The following FAT1 variants were observed in gnomAD, a reference collection of about 807,000 sequenced individuals.
FAT1 encodes the protein protocadherin Fat 1.
Under a neutral mutation model 329.8 loss-of-function variants are expected in FAT1, and 171 were observed. That is an observed-to-expected ratio of 0.52 (90% CI 0.46 to 0.59). The LOEUF (loss-of-function observed/expected upper bound fraction) is 0.59. Ranked by LOEUF, FAT1 falls within the 20% of genes least tolerant of loss-of-function variation. The probability of loss-of-function intolerance (pLI) is 0.00; values close to 1 mark genes in which losing one functional copy is unlikely to be tolerated. For missense variants in FAT1, 5,672 were observed against 5,774.4 expected (o/e 0.98, Z 0.57); for synonymous variants, 2,233 against 2,228.6 (o/e 1.00, Z -0.06).
At position 186,670,343 on chromosome 4, in the gene FAT1, C is replaced by G. The variant is rs141316941; in HGVS notation, c.3266-6730G>C. On this transcript the variant is annotated intron_variant, in intron 2 of 26. Coordinates refer to ENST00000441802, the MANE Select transcript of FAT1 (RefSeq NM_005245.4). Reference sequence around the variant, plus strand: ...CTGCTTTGTTCAATCACAAGAAAAACTTAAATGTGAGATATAATTTTAACG... The same window carrying G: ...CTGCTTTGTTCAATCACAAGAAAAAGTTAAATGTGAGATATAATTTTAACG... Among the ~76,000 whole-genome samples the G allele has an allele frequency of 1.6e-3, 248 of 152,292 alleles. 2 individuals are homozygous for G. Among genetic ancestry groups the G allele is most frequent in the Non-Finnish European group, 2.9e-3 (200 of 68,030 alleles).
chr4:186,598,055 G>A lies in FAT1; in HGVS notation c.12174C>T (p.Ser4058=). The stretch of plus-strand genomic sequence containing the variant: ...ACGTGCCCCCATAGAGGCATGGCTT[G>A]GAGGAACACGGATTGACGCTTATCT... The part of the protein sequence containing the change: ...HCEISVNPCS[S]KPCLYGGTCV... Residue 4058 remains serine, a synonymous_variant, in exon 23 of 27, where the codon TCC becomes TCT. Transcript: ENST00000441802. 6.2e-7 allele frequency: 1 copy of A among 1,613,938 alleles called. No individual in the cohort carries two copies.
rs2126448765 is a variant in FAT1, at chr4:186,606,222, G to C, written c.10207-9C>G. The stretch of plus-strand genomic sequence containing the variant: ...AGCGTGTAACCTGAAATCTTTTCAG[G>C]CAAAAGACAGAATGCACGTTCATTT... On this transcript the variant is annotated splice_polypyrimidine_tract_variant and intron_variant, in intron 16 of 26. Transcript: ENST00000441802. 1 of 1,612,644 alleles carries C rather than the reference G, an allele frequency of 6.2e-7. No homozygotes were observed. The highest frequency in any genetic ancestry group is 8.5e-7 in the Non-Finnish European group (1 of 1,179,512).
intron 3 of FAT1, among the ~76,000 whole-genome samples, chr4:186,640,459 T>C (rs1741038426): frequency 6.6e-6 from 1 of 152,206 alleles, no homozygotes; most frequent in Non-Finnish European, 1.5e-5. Flanking sequence ...GCTCAAGAGA[T>C]AACTGAGAGT....
chr4:186,628,656 T>G lies in FAT1; in HGVS notation c.4431A>C (p.Gln1477His), dbSNP rs772612352. 6.2e-6 allele frequency: 10 copies of G among 1,613,874 alleles called. No individual in the cohort carries two copies. Among genetic ancestry groups the G allele is most frequent in the Non-Finnish European group, 8.5e-6 (10 of 1,179,900 alleles). The change falls in exon 8 of 27, where the codon CAA (glutamine) becomes CAC (histidine). Residue 1477 changes from glutamine to histidine, a missense_variant. Coordinates refer to ENST00000441802, the MANE Select transcript of FAT1 (RefSeq NM_005245.4). ...TCTCATCCTGATCCACAGCACTGATTTGCAAAATTTCTGTTTCTGGCGCTG... is the reference window on the plus strand; with the variant it reads ...TCTCATCCTGATCCACAGCACTGATGTGCAAAATTTCTGTTTCTGGCGCTG... ...EDTAPETEIL[Q>H]ISAVDQDEKN...
chr4:186,621,860 CT>C, intron 9 of FAT1, 85 bp from the exon 10 acceptor site: 3 of 822,546 alleles, frequency 3.6e-6, no homozygotes, highest in Non-Finnish European at 5.4e-6. Flanking sequence ...ACAAAGTATC[CT>C]TAAAAATTAT....
chr4:186,628,866 G>T, intron 7 of FAT1, 103 bp from the exon 8 acceptor site: 1 of 1,167,066 alleles, frequency 8.6e-7, no homozygotes, highest in Non-Finnish European at 1.2e-6. Context: ...ACGATACTGT[G>T]GCAAAATAAA....
intron 2 of FAT1, among the ~76,000 whole-genome samples, chr4:186,674,077 G>A (rs1280028056): frequency 6.6e-6 from 1 of 152,166 alleles, no homozygotes. Flanking sequence ...CAGAAGATAC[G>A]CAATTTCAGT....
At chr4:186,686,599 CTGTT>C (rs1743483900) in intron 2 of FAT1, among the ~76,000 whole-genome samples, 1 of 152,138 alleles carries the variant, frequency 6.6e-6, no homozygotes, top group African/African-American at 2.4e-5. Flanking sequence ...TTGCTTAGCG[CTGTT>C]TTTTTTAAGC....
intron 2 of FAT1, among the ~76,000 whole-genome samples, chr4:186,670,455 A>C (rs1365425327): frequency 1.3e-5 from 2 of 152,200 alleles, no homozygotes; most frequent in African/African-American, 4.8e-5. Flanking sequence ...TTTTGAAAAT[A>C]AGCATTTTCC....
intron 2 of FAT1, among the ~76,000 whole-genome samples, chr4:186,694,058 G>A (rs59997667): frequency 0.024 from 3,432 of 141,908 alleles, 120 homozygotes; most frequent in African/African-American, 0.085. Context: ...CATCTCACAA[G>A]CTCGACCTGC....
rs1304581663 is a variant in FAT1 at position 186,707,343 on chromosome 4, C to T, written c.2485G>A (p.Val829Met). ...PPEFLQESYF[V>M]EVSEDKEVHS... ...ACCTCCTTGTCTTCACTCACTTCCACAAAATAGCTCTCCTGTAAAAACTCG... is the reference window on the plus strand; with the variant it reads ...ACCTCCTTGTCTTCACTCACTTCCATAAAATAGCTCTCCTGTAAAAACTCG... Residue 829 changes from valine to methionine, a missense_variant, in exon 2 of 27, where the codon GTG becomes ATG. By Grantham distance (21) the Val-to-Met change is conservative. This residue lies in a region of FAT1 where 3,966 missense variants were observed against 3,915.2 expected (regional missense o/e 1.01). Coordinates refer to ENST00000441802, the MANE Select transcript of FAT1 (RefSeq NM_005245.4). 7 of 1,613,890 alleles carry T rather than the reference C, an allele frequency of 4.3e-6. No individual in the cohort carries two copies. The highest frequency in any genetic ancestry group is 1.1e-5 in the South Asian group (1 of 91,086).
In FAT1 at chr4:186,707,610, T is replaced by C. The variant is rs1744698111; in HGVS notation, c.2218A>G (p.Asn740Asp). Residue 740 changes from asparagine (N) to aspartate (D), a missense_variant, in exon 2 of 27, where the codon AAC (asparagine) becomes GAC (aspartate). Coordinates refer to ENST00000441802, the MANE Select transcript of FAT1 (RefSeq NM_005245.4). ...QPVGSSVIFM[N>D]STDLDTGFNG... The stretch of plus-strand genomic sequence containing the variant: ...AAGCCAGTGTCAAGGTCAGTGGAGT[T>C]CATGAAAATTACACTGGAACCCACA... 1 of 1,614,004 alleles carries C rather than the reference T, an allele frequency of 6.2e-7. No individual in the cohort carries two copies. The highest frequency in any genetic ancestry group is 2.2e-5 in the East Asian group (1 of 44,882).
In FAT1 at chr4:186,609,383, A is replaced by T. The variant is rs557637041; in HGVS notation, c.10069-63T>A. 38 of 1,539,112 alleles carry T rather than the reference A, an allele frequency of 2.5e-5. No individual in the cohort carries two copies. The African/African-American group carries it at 4.9e-4, about 20-fold the overall frequency. The stretch of plus-strand genomic sequence containing the variant: ...GAAGAGGCCTAAACCTATTACACAA[A>T]ATTTGTGATATTAATAGCTTAGCTG... On this transcript the variant is annotated intron_variant, in intron 15 of 26. Coordinates refer to ENST00000441802, the MANE Select transcript of FAT1 (RefSeq NM_005245.4).
rs1462810564 is a variant in FAT1, at chr4:186,636,172, T to G, written c.4036A>C (p.Ile1346Leu). 8 of 1,613,858 alleles carry G rather than the reference T, an allele frequency of 5.0e-6. No homozygotes were observed. In the South Asian group the frequency reaches 7.7e-5, roughly 16 times the overall value. ...TCCAGGGACGGTTTGGGCTTGGAGA[T>G]CCATTCAATATGGAGTCTGGTGGTT... Reference protein sequence around the residue: ...SSTTRLHIEWISKPKPSLEPI... With the variant: ...SSTTRLHIEWLSKPKPSLEPI... The change falls in exon 6 of 27, where the codon ATC becomes CTC. Residue 1346 changes from isoleucine (I) to leucine (L), a missense_variant. By Grantham distance (5) the Ile-to-Leu change is conservative. Around this residue, in one of 2 missense-constraint regions of FAT1, gnomAD observed 3,966 missense variants for 3,915.2 expected, o/e 1.01. Transcript: ENST00000441802.
At chr4:186,652,981 TA>T (rs931689050) in intron 3 of FAT1, among the ~76,000 whole-genome samples, 2 of 152,084 alleles carry the variant, frequency 1.3e-5, no homozygotes, top group African/African-American at 4.8e-5. Flanking sequence ...ATAGTAAACA[TA>T]AAATAATTCT....
intron 2 of FAT1, among the ~76,000 whole-genome samples, chr4:186,693,664 C>T (rs1743898799): frequency 6.6e-6 from 1 of 151,754 alleles, no homozygotes; most frequent in Non-Finnish European, 1.5e-5. Context: ...CCCAAATCGC[C>T]CACCCACAGA....
In FAT1 at chr4:186,631,635, C is replaced by T. The variant is rs566592821; in HGVS notation, c.4323+2049G>A. ...CCTCCCAGCTGACTCCTGTGCTCTT[C>T]AACCCATTCCTGCGGTATCCTAGTC... On this transcript the variant is annotated intron_variant, in intron 7 of 26. Transcript: ENST00000441802. Among the ~76,000 whole-genome samples the T allele has an allele frequency of 2.6e-5, 4 of 151,022 alleles. No homozygotes were observed. The South Asian group carries it at 8.4e-4, about 32-fold the overall frequency.
chr4:186,687,768 A>G (rs1397676483), intron 2 of FAT1, among the ~76,000 whole-genome samples: 1 of 152,210 alleles, frequency 6.6e-6, no homozygotes, highest in Non-Finnish European at 1.5e-5. Context: ...TCTATATTCT[A>G]AAAATCACAT....
chr4:186,675,753 C>T (rs1227909044), intron 2 of FAT1, among the ~76,000 whole-genome samples: 1 of 147,366 alleles, frequency 6.8e-6, no homozygotes, highest in Non-Finnish European at 1.5e-5. Flanking sequence ...AACACACACA[C>T]ACCCACACAT....
Sources: allele counts gnomAD v4.1 joint callset (sites outside exome capture counted in the v4.1 genomes callset), GRCh38; gene constraint gnomAD v4.1.1; regional missense constraint gnomAD v4.1.1; transcripts MANE v1.5; gene names NCBI Gene and HGNC (gene_info 2026-07-23, HGNC 2026-07-21).